The following GPR39 variants were observed in gnomAD, a reference collection of about 807,000 sequenced individuals.
GPR39 encodes G protein-coupled receptor 39, also known as zinc sensing receptor.
Under a neutral mutation model 18.4 loss-of-function variants are expected in GPR39, and 23 were observed. The ratio of observed to expected loss-of-function variants is 1.25; its 90% CI spans 0.90 to 1.77. The LOEUF (loss-of-function observed/expected upper bound fraction) is 1.77. Among genes scored for constraint, GPR39 ranks in the 40% most tolerant of loss-of-function variants. The pLI, the probability that GPR39 is intolerant of heterozygous loss-of-function variation, is 0.00. For synonymous variants in GPR39, 280 were observed against 257.9 expected (o/e 1.09, Z -0.82); for missense variants, 647 against 602.4 (o/e 1.07, Z -0.78).
rs184357349 is a variant in GPR39, at chr2:132,481,392, G to A, written c.856+63494G>A. Among the ~76,000 whole-genome samples, 3 of 152,274 alleles carry A rather than the reference G, an allele frequency of 2.0e-5. No individual in the cohort carries two copies. In the East Asian group the frequency reaches 5.8e-4, roughly 29 times the overall value. The stretch of plus-strand genomic sequence containing the variant: ...ACTGGTTTCACCTTGGCATGGATTG[G>A]TCTACAAAGATAATCACCCATTTGA... On this transcript the variant is annotated intron_variant, in intron 1 of 1. Transcript: ENST00000329321.
intron 1 of GPR39, among the ~76,000 whole-genome samples, chr2:132,471,063 T>C (rs1367268893): frequency 1.3e-5 from 2 of 152,190 alleles, no homozygotes; most frequent in Non-Finnish European, 2.9e-5. Flanking sequence ...TTTCCTTACA[T>C]GCTAATGTGT....
chr2:132,465,391 G>T (rs1680910224), intron 1 of GPR39, among the ~76,000 whole-genome samples: 1 of 152,100 alleles, frequency 6.6e-6, no homozygotes, highest in South Asian at 2.1e-4. Flanking sequence ...AGTTAGCCAT[G>T]GAATGCAACT....
intron 1 of GPR39, among the ~76,000 whole-genome samples, chr2:132,579,895 C>T (rs1476908491): frequency 6.6e-6 from 1 of 151,974 alleles, no homozygotes; most frequent in Non-Finnish European, 1.5e-5. Flanking sequence ...GGTGGCTGAG[C>T]TCTCTGTGAA....
At chr2:132,506,839 G>T (rs1351171169) in intron 1 of GPR39, among the ~76,000 whole-genome samples, 1 of 150,754 alleles carries the variant, frequency 6.6e-6, no homozygotes, top group Non-Finnish European at 1.5e-5. Flanking sequence ...TAAATTATTT[G>T]CCCAGACCAA....
chr2:132,586,077 G>T (rs1226497132), intron 1 of GPR39, among the ~76,000 whole-genome samples: 1 of 151,654 alleles, frequency 6.6e-6, no homozygotes, highest in African/African-American at 2.4e-5. Context: ...GCTGGGAGCT[G>T]CTGCTGCGAG....
At chr2:132,464,872 C>G (rs114224832) in intron 1 of GPR39, among the ~76,000 whole-genome samples, 4,433 of 152,232 alleles carry the variant, frequency 0.029, 196 homozygotes, top group African/African-American at 0.096. Flanking sequence ...CACGTTTTGT[C>G]TTCTATGAAG....
At chr2:132,519,276 G>A (rs1449275101) in intron 1 of GPR39, among the ~76,000 whole-genome samples, 1 of 126,094 alleles carries the variant, frequency 7.9e-6, no homozygotes, top group Non-Finnish European at 1.8e-5. Flanking sequence ...CATAAAAAAA[G>A]AAGGTTGTTT....
At chr2:132,478,888 A>G (rs1681179218) in intron 1 of GPR39, among the ~76,000 whole-genome samples, 1 of 152,162 alleles carries the variant, frequency 6.6e-6, no homozygotes, top group Admixed American at 6.5e-5. Context: ...GGGTAAATAC[A>G]ATAGCCGGCT....
At chr2:132,530,978 G>T (rs1243213353) in intron 1 of GPR39, among the ~76,000 whole-genome samples, 1 of 152,182 alleles carries the variant, frequency 6.6e-6, no homozygotes, top group Non-Finnish European at 1.5e-5. Flanking sequence ...ACATCATAAT[G>T]ACAGGATCAG....
chr2:132,457,622 T>C (rs1370463887), intron 1 of GPR39, among the ~76,000 whole-genome samples: 4 of 152,230 alleles, frequency 2.6e-5, no homozygotes, highest in Non-Finnish European at 4.4e-5. Flanking sequence ...CTGTCTGTTC[T>C]CAGAGCTCAA....
intron 1 of GPR39, among the ~76,000 whole-genome samples, chr2:132,591,000 C>T (rs1680826478): frequency 6.6e-6 from 1 of 151,670 alleles, no homozygotes; most frequent in Non-Finnish European, 1.5e-5. Context: ...GCCTGTAATC[C>T]CAGCACTTTG....
At chr2:132,578,364 G>A (rs972385535) in intron 1 of GPR39, among the ~76,000 whole-genome samples, 1 of 151,812 alleles carries the variant, frequency 6.6e-6, no homozygotes, top group Non-Finnish European at 1.5e-5. Flanking sequence ...TTTGATTTTG[G>A]TGTTAGCATA....
intron 1 of GPR39, among the ~76,000 whole-genome samples, chr2:132,534,532 A>C (rs1429214597): frequency 6.7e-6 from 1 of 149,200 alleles, no homozygotes; most frequent in African/African-American, 2.4e-5. Flanking sequence ...ATGAAGACAC[A>C]TGCACACACA....
intron 1 of GPR39, among the ~76,000 whole-genome samples, chr2:132,530,156 T>G (rs1679588654): frequency 6.6e-6 from 1 of 151,976 alleles, no homozygotes; most frequent in Non-Finnish European, 1.5e-5. Flanking sequence ...AGAGAAGTCC[T>G]TAAAGGACCT....
At chr2:132,514,280 A>T (rs1468318892) in intron 1 of GPR39, among the ~76,000 whole-genome samples, 1 of 151,600 alleles carries the variant, frequency 6.6e-6, no homozygotes, top group African/African-American at 2.4e-5. Flanking sequence ...CTCTCCATGT[A>T]CCCCTACTGT....
At chr2:132,437,869 T>C (rs1680355332) in intron 1 of GPR39, among the ~76,000 whole-genome samples, 1 of 152,162 alleles carries the variant, frequency 6.6e-6, no homozygotes, top group South Asian at 2.1e-4. Context: ...CTCCTAGTAA[T>C]GTGACCTCGG....
Position 132,417,790 on chromosome 2 carries a change from A to G in GPR39, c.748A>G (p.Met250Val). ...GTGCTGGAACATGATGCAGGTGCTC[A>G]TGAAAAGCCAGAAGGGCTCGCTGGC... The part of the protein sequence containing the change: ...FMCWNMMQVL[M>V]KSQKGSLAGG... The change falls in exon 1 of 2, where the codon ATG becomes GTG. Residue 250 changes from methionine to valine, a missense_variant. By Grantham distance (21) the Met-to-Val change is conservative (BLOSUM62 1). Around this residue, in one of 3 missense-constraint regions of GPR39, gnomAD observed 581 missense variants for 506.8 expected, o/e 1.15. Transcript: ENST00000329321. The G allele has an allele frequency of 6.2e-7, 1 of 1,614,150 alleles. No homozygotes were observed. The highest frequency in any genetic ancestry group is 8.5e-7 in the Non-Finnish European group (1 of 1,180,036).
chr2:132,556,262 T>C (rs930944503), intron 1 of GPR39, among the ~76,000 whole-genome samples: 12 of 152,204 alleles, frequency 7.9e-5, no homozygotes, highest in Non-Finnish European at 1.0e-4. Context: ...AGAGACAGTA[T>C]ATGGACAGCC....
At chr2:132,487,537 A>G (rs1177899436) in intron 1 of GPR39, among the ~76,000 whole-genome samples, 3 of 152,232 alleles carry the variant, frequency 2.0e-5, no homozygotes, top group African/African-American at 7.2e-5. Context: ...GTAATTAACA[A>G]AGGAACTTAG....
Sources: allele counts gnomAD v4.1 joint callset (sites outside exome capture counted in the v4.1 genomes callset), GRCh38; gene constraint gnomAD v4.1.1; regional missense constraint gnomAD v4.1.1; transcripts MANE v1.5; gene names NCBI Gene and HGNC (gene_info 2026-07-23, HGNC 2026-07-21).